ZBTB38: variants seen among roughly 807,000 people sequenced by gnomAD.
ZBTB38 encodes zinc finger and BTB domain containing 38, also known as zinc finger and BTB domain-containing protein 38.
In ZBTB38, 20 loss-of-function variants were observed where a neutral mutation model predicts 76.8. That is an observed-to-expected ratio of 0.26 (90% CI 0.18 to 0.38). ZBTB38 has a LOEUF of 0.38. ZBTB38 is among the 10% of genes least tolerant of loss of function. The probability of loss-of-function intolerance (pLI) is 1.00; values close to 1 mark genes in which losing one functional copy is unlikely to be tolerated. For missense variants in ZBTB38, 1,082 were observed against 1,482.3 expected (o/e 0.73, Z 4.43); for synonymous variants, 504 against 544.2 (o/e 0.93, Z 1.03).
chr3:141,434,002 C>A, intron 5 of ZBTB38: 1 of 163,998 alleles, frequency 6.1e-6, no homozygotes, highest in Non-Finnish European at 1.3e-5. Flanking sequence ...CTCTCTAGGG[C>A]CAGTTCCCCT....
intron 1 of ZBTB38, among the ~76,000 whole-genome samples, chr3:141,326,010 T>G (rs746370930): frequency 2.6e-5 from 4 of 152,202 alleles, no homozygotes; most frequent in Non-Finnish European, 4.4e-5. Flanking sequence ...TTTAACATGT[T>G]TTTTCTTTAA....
At chr3:141,418,420 C>T (rs77425777) in intron 5 of ZBTB38, among the ~76,000 whole-genome samples, 4,675 of 152,280 alleles carry the variant, frequency 0.031, 147 homozygotes, top group Admixed American at 0.091. Flanking sequence ...CGAGCCCCCC[C>T]TCCCTTGCAC....
At chr3:141,410,199 G>T (rs1350691666) in intron 5 of ZBTB38, among the ~76,000 whole-genome samples, 1 of 152,140 alleles carries the variant, frequency 6.6e-6, no homozygotes, top group African/African-American at 2.4e-5. Context: ...TGTCCTCATA[G>T]ATATGCCGAT....
chr3:141,378,019 A>G (rs1004289858), intron 2 of ZBTB38, among the ~76,000 whole-genome samples: 2 of 152,038 alleles, frequency 1.3e-5, no homozygotes, highest in Admixed American at 6.6e-5. Context: ...CTCTACAAAA[A>G]TTTACAAAAC....
intron 1 of ZBTB38, among the ~76,000 whole-genome samples, chr3:141,335,039 CTCTGCTGCCGACACTACCGCT>C (rs546620316): frequency 6.6e-5 from 10 of 152,178 alleles, no homozygotes; most frequent in South Asian, 4.1e-4. Context: ...ACACTACCGC[CTCTGCTGCCGACACTACCGCT>C]TCTGCTGCCG....
In ZBTB38 at chr3:141,443,087, A is replaced by G. The variant is rs1383386760; in HGVS notation, c.699A>G (p.Arg233=). ...YAVSSVAEAY[R]SQPVREHDGS... is the part of the protein sequence containing the mutation. ...TTTCTTCCGTAGCTGAAGCTTACAG[A>G]AGTCAGCCTGTACGTGAACATGATG... Residue 233 remains arginine (R), a synonymous_variant, in exon 6 of 6, where the codon AGA becomes AGG. Coordinates refer to ENST00000321464, the MANE Select transcript of ZBTB38 (RefSeq NM_001376113.1). The surrounding 1 kb of genome is among the most constrained non-coding windows in gnomAD (Gnocchi z 5.6). 6.2e-7 allele frequency: 1 copy of G among 1,614,102 alleles called. No individual in the cohort carries two copies. The highest frequency in any genetic ancestry group is 8.5e-7 in the Non-Finnish European group (1 of 1,180,060).
chr3:141,392,247 G>C (rs1345071598), intron 4 of ZBTB38, among the ~76,000 whole-genome samples: 1 of 152,144 alleles, frequency 6.6e-6, no homozygotes, highest in African/African-American at 2.4e-5. Flanking sequence ...TAGTAGAGTG[G>C]GGAAGGGGGC....
intron 5 of ZBTB38, among the ~76,000 whole-genome samples, chr3:141,404,350 C>T (rs535313847): frequency 1.2e-4 from 18 of 152,240 alleles, no homozygotes; most frequent in African/African-American, 3.4e-4. Context: ...TTGCTGAGGC[C>T]CGGAGAGTTT....
chr3:141,430,318 C>G (rs945963086), intron 5 of ZBTB38, among the ~76,000 whole-genome samples: 1 of 152,164 alleles, frequency 6.6e-6, no homozygotes, highest in Admixed American at 6.5e-5. Flanking sequence ...CCACCTGCCT[C>G]AGCCTCCCAG....
At chr3:141,364,751 C>T (rs918445784), upstream of ZBTB38, among the ~76,000 whole-genome samples, 1 of 139,878 alleles carries the variant, frequency 7.1e-6, no homozygotes, top group Non-Finnish European at 1.5e-5. Context: ...GACAGTTCTC[C>T]AAAGAAGATA....
rs537930986 is a variant in ZBTB38, at chr3:141,341,868, C to T, written c.-739+17412C>T. On this transcript the variant is annotated intron_variant, in intron 1 of 7. Transcript: ENST00000509842. Reference sequence around the variant, plus strand: ...TGTGGAATGTGTGTATAAGATGATACGACAGATTTGTTGTTAATTTTCTTG... The same window carrying T: ...TGTGGAATGTGTGTATAAGATGATATGACAGATTTGTTGTTAATTTTCTTG... 4.6e-5 allele frequency among the ~76,000 whole-genome samples: 7 copies of T among 152,036 alleles called. No individual in the cohort carries two copies. The East Asian group carries it at 7.7e-4, about 17-fold the overall frequency.
intron 5 of ZBTB38, among the ~76,000 whole-genome samples, chr3:141,425,615 C>T (rs2076242270): frequency 6.6e-6 from 1 of 152,246 alleles, no homozygotes; most frequent in African/African-American, 2.4e-5. Context: ...TACCACAGGG[C>T]ATAGCCTGTA....
At chr3:141,342,669 T>A (rs1489848022) in intron 1 of ZBTB38, among the ~76,000 whole-genome samples, 1 of 148,952 alleles carries the variant, frequency 6.7e-6, no homozygotes, top group Admixed American at 6.8e-5. Context: ...CAAACCCTCG[T>A]GCAAGAAGTT....
chr3:141,443,933 A>T lies in ZBTB38; in HGVS notation c.1545A>T (p.Arg515=), dbSNP rs751331781. 7 of 1,614,206 alleles carry T rather than the reference A, an allele frequency of 4.3e-6. No individual in the cohort carries two copies. The Admixed American group carries it at 1.2e-4, about 27-fold the overall frequency. ...AAATTTGGCATACGGGAGAAAGACG[A>T]TATCAGTGCATTTTCTGTCTTGAAA... is the stretch of plus-strand genomic sequence containing the variant. ...RHEIWHTGER[R]YQCIFCLETF... is the part of the protein sequence containing the mutation. The change falls in exon 6 of 6, where the codon CGA becomes CGT. Residue 515 remains arginine, a synonymous_variant. Transcript: ENST00000321464. This position sits in a 1 kb window ranked among gnomAD's most constrained non-coding sequence, Gnocchi z 5.6.
intron 2 of ZBTB38, among the ~76,000 whole-genome samples, chr3:141,376,683 C>G (rs1196952276): frequency 6.6e-6 from 1 of 152,190 alleles, no homozygotes; most frequent in East Asian, 1.9e-4. Context: ...ACCTCTGATA[C>G]TCAGATGACA....
Position 141,448,253 on chromosome 3 carries a change from T to G in ZBTB38, c.*2277T>G, listed in dbSNP as rs1304129588. 6.6e-6 allele frequency: 1 copy of G among 152,638 alleles called. No individual in the cohort carries two copies. The highest frequency in any genetic ancestry group is 2.4e-5 in the African/African-American group (1 of 41,460). 9.5% of individuals were successfully genotyped at this position (152,638 alleles called of 1,614,324 possible). On this transcript the variant is annotated 3_prime_UTR_variant, in exon 6 of 6. Coordinates refer to ENST00000321464, the MANE Select transcript of ZBTB38 (RefSeq NM_001376113.1). Reference sequence around the variant, plus strand: ...TGATAATTCTAGACCAAAGTAAATATGGCAGAATATTTATACATGAAAAAA... The same window carrying G: ...TGATAATTCTAGACCAAAGTAAATAGGGCAGAATATTTATACATGAAAAAA...
At chr3:141,337,826 A>T (rs371383765) in intron 1 of ZBTB38, among the ~76,000 whole-genome samples, 5 of 152,242 alleles carry the variant, frequency 3.3e-5, no homozygotes, top group African/African-American at 1.2e-4. Context: ...TGCAGGGAAG[A>T]AAACTGAGAC....
At chr3:141,423,659 C>T (rs16851419) in intron 5 of ZBTB38, among the ~76,000 whole-genome samples, 6,703 of 152,116 alleles carry the variant, frequency 0.044, 260 homozygotes, top group Admixed American at 0.097. Context: ...TGACAGTTCC[C>T]GGTAATTTAA....
At chr3:141,418,411 G>A (rs1350667480) in intron 5 of ZBTB38, among the ~76,000 whole-genome samples, 1 of 152,032 alleles carries the variant, frequency 6.6e-6, no homozygotes, top group Admixed American at 6.6e-5. Flanking sequence ...CTTCAAGAGC[G>A]AGCCCCCCCT....
Sources: gnomAD v4.1 joint callset for allele counts (sites outside exome capture counted in the v4.1 genomes callset) on GRCh38, gnomAD v4.1.1 for gene constraint, Gnocchi (gnomAD v3.1) non-coding constraint, MANE v1.5 for transcripts, NCBI Gene and HGNC (gene_info 2026-07-23, HGNC 2026-07-21) for gene names.